Variants in SPTBN4 observed in about 807,000 individuals in gnomAD.
SPTBN4 encodes the protein spectrin beta chain, non-erythrocytic 4.
SPTBN4 carries 96 observed loss-of-function variants against 277.8 expected under a neutral mutation model. The observed-to-expected ratio is 0.35, with a 90% confidence interval of 0.29 to 0.41. SPTBN4 has a LOEUF of 0.41. Ranked by LOEUF, SPTBN4 falls within the 10% of genes least tolerant of loss-of-function variation. The pLI is 1.00. For missense variants in SPTBN4, 3,006 were observed against 3,595.7 expected (o/e 0.84, Z 4.19); for synonymous variants, 1,481 against 1,580.3 (o/e 0.94, Z 1.49).
intron 24 of SPTBN4, chr19:40,555,147 G>GGCTA (rs2080962664): frequency 6.5e-6 from 1 of 153,420 alleles, no homozygotes; most frequent in African/African-American, 2.4e-5. Flanking sequence ...CAGAGATTGG[G>GGCTA]GCTAGAGGTG....
intron 26 of SPTBN4, among the ~76,000 whole-genome samples, chr19:40,559,752 G>A (rs372495906): frequency 9.9e-5 from 15 of 152,206 alleles, no homozygotes; most frequent in Admixed American, 2.0e-4. Context: ...TTGAACAGCC[G>A]TCGTGTAGGA....
chr19:40,468,969 C>T (rs2079854923), intron 1 of SPTBN4, among the ~76,000 whole-genome samples: 1 of 152,100 alleles, frequency 6.6e-6, no homozygotes, highest in Admixed American at 6.6e-5. Flanking sequence ...CATGGTGGAG[C>T]TTGCCTCTAG....
At chr19:40,512,486 C>A in intron 13 of SPTBN4, 120 bp from the exon 14 acceptor site, 3 of 1,294,144 alleles carry the variant, frequency 2.3e-6, no homozygotes, top group Non-Finnish European at 3.0e-6. Flanking sequence ...GGAGGAGGAG[C>A]CACGTGACCC....
At chr19:40,522,861 G>A (rs973215331) in intron 16 of SPTBN4, among the ~76,000 whole-genome samples, 2 of 152,112 alleles carry the variant, frequency 1.3e-5, no homozygotes, top group South Asian at 4.2e-4. Context: ...GCTGGGTGTG[G>A]TGGCTCACGC....
At chr19:40,510,831 G>A (rs1263346897) in intron 13 of SPTBN4, among the ~76,000 whole-genome samples, 1 of 151,974 alleles carries the variant, frequency 6.6e-6, no homozygotes, top group Non-Finnish European at 1.5e-5. Context: ...AGACCAGCCA[G>A]CGAGACTCTA....
chr19:40,513,303 A>G lies in SPTBN4; in HGVS notation c.2514A>G (p.Thr838=). Residue 838 remains threonine (T), a synonymous_variant, in exon 14 of 36, where the codon ACA becomes ACG. Transcript: ENST00000598249. ...PVSGLRRQLA[T]LGGASGAGPL... is the part of the protein sequence containing the mutation. The stretch of plus-strand genomic sequence containing the variant: ...GCGGCCTGCGGCGCCAGCTGGCGAC[A>G]CTCGGGGGTGCCAGTGGCGCAGGGC... 2 of 1,560,166 alleles carry G rather than the reference A, an allele frequency of 1.3e-6. No homozygotes were observed. Among genetic ancestry groups the G allele is most frequent in the South Asian group, 1.2e-5 (1 of 85,468 alleles).
Position 40,467,342 on chromosome 19 carries a change from G to C in SPTBN4, c.-16+37G>C, listed in dbSNP as rs1006124263. ...GGGGGGCCGACAGCCCCTCCCCCAA[G>C]TATGTCCCCACCTGGCGAGCATCCC... On this transcript the variant is annotated intron_variant, in intron 1 of 35. Transcript: ENST00000598249. 9 of 152,298 alleles carry C rather than the reference G, an allele frequency of 5.9e-5. No individual in the cohort carries two copies. The East Asian group carries it at 1.7e-3, about 30-fold the overall frequency. 9.4% of individuals were successfully genotyped at this position (152,298 alleles called of 1,614,324 possible). A position where few individuals can be genotyped will look rare whatever the true frequency, so the allele number is the denominator to read the frequency against.
rs549323388 is a variant in SPTBN4, at chr19:40,541,390, C to T, written c.4359+7047C>T. ...GGCCCTTTTCCCAGCAGAGGGAGCC[C>T]GAGGCAGGAAGTGACTGTGTGGGCC... On this transcript the variant is annotated intron_variant, in intron 20 of 35. Transcript: ENST00000598249. Among the ~76,000 whole-genome samples the T allele has an allele frequency of 2.8e-3, 429 of 152,270 alleles. 2 individuals are homozygous for T. The highest frequency in any genetic ancestry group is 9.6e-3 in the African/African-American group (399 of 41,550).
rs2081034761 is a variant in SPTBN4, at chr19:40,560,751, C to T, written c.5915+348C>T. The T allele has an allele frequency of 3.8e-6, 5 of 1,323,140 alleles. No homozygotes were observed. The highest frequency in any genetic ancestry group is 4.8e-6 in the Non-Finnish European group (5 of 1,034,900). The allele number at this position is 1,323,140 out of a possible 1,614,324, so 82.0% of individuals were successfully genotyped here. A position where few individuals can be genotyped will look rare whatever the true frequency, so the allele number is the denominator to read the frequency against. ...GGTGGGTGAAGAATTCTAACAATTC[C>T]AGCATCTCAGTGGCTTCATTAGTGG... On this transcript the variant is annotated intron_variant, in intron 27 of 35. Coordinates refer to ENST00000598249, the MANE Select transcript of SPTBN4 (RefSeq NM_020971.3). The surrounding 1 kb of genome is among the most constrained non-coding windows in gnomAD (Gnocchi z 5.2).
At chr19:40,567,611 A>AACCC in intron 30 of SPTBN4, 52 bp from the exon 31 acceptor site, 2 of 1,190,516 alleles carry the variant, frequency 1.7e-6, no homozygotes, top group Non-Finnish European at 2.2e-6. Flanking sequence ...CCTCCCCCTT[A>AACCC]CCCCGCCCCG....
intron 1 of SPTBN4, among the ~76,000 whole-genome samples, chr19:40,472,202 C>T (rs2079892905): frequency 1.3e-5 from 2 of 152,020 alleles, no homozygotes; most frequent in Non-Finnish European, 2.9e-5. Context: ...AGCCACCGTG[C>T]CTGGCCAATT....
intron 12 of SPTBN4, among the ~76,000 whole-genome samples, chr19:40,505,374 C>A (rs2080313560): frequency 1.6e-5 from 2 of 122,968 alleles, no homozygotes; most frequent in Admixed American, 1.8e-4. Flanking sequence ...CAGAGTGAGA[C>A]CCTGTCTCAA....
intron 26 of SPTBN4, among the ~76,000 whole-genome samples, chr19:40,557,804 G>C (rs2145937348): frequency 6.6e-6 from 1 of 151,308 alleles, no homozygotes; most frequent in African/African-American, 2.4e-5. Context: ...TGTAATCCCA[G>C]CTACTTGGGA....
intron 20 of SPTBN4, among the ~76,000 whole-genome samples, chr19:40,537,033 G>A (rs911741074): frequency 5.3e-5 from 8 of 151,752 alleles, no homozygotes; most frequent in South Asian, 4.2e-4. Context: ...AAACTAAAAC[G>A]GAGTCTGGCT....
rs1599740776 is a variant in SPTBN4 at position 40,504,517 on chromosome 19, C to A, written c.1665+385C>A. Among the ~76,000 whole-genome samples, 3 of 151,762 alleles carry A rather than the reference C, an allele frequency of 2.0e-5. No individual in the cohort carries two copies. The South Asian group carries it at 6.2e-4, about 32-fold the overall frequency. On this transcript the variant is annotated intron_variant, in intron 12 of 35. Coordinates refer to ENST00000598249, the MANE Select transcript of SPTBN4 (RefSeq NM_020971.3). ...CCCCATCTCTACTAAAAATACAAAA[C>A]AATTAGCCGGGCGTAGTGGCGGGCG...
rs758147374 is a variant in SPTBN4, at chr19:40,512,814, G to GGCGGGCGCA, written c.2040_2048dup (p.Ala681_Gly683dup). On this transcript the variant is annotated inframe_insertion, in exon 14 of 36. Transcript: ENST00000598249. The stretch of plus-strand genomic sequence containing the variant: ...TGGAGGCTGCGGGCGGCGGCGGTGC[G>GGCGGGCGCA]GCGGGCGCAGCGGGCGCAGCGGGAA... 5.2e-3 allele frequency: 7,571 copies of GGCGGGCGCA among 1,451,400 alleles called. 34 individuals carry two copies. Among genetic ancestry groups the GGCGGGCGCA allele is most frequent in the Admixed American group, 7.8e-3 (277 of 35,342 alleles). 89.9% of individuals were successfully genotyped at this position (1,451,400 alleles called of 1,614,324 possible). A position where few individuals can be genotyped will look rare whatever the true frequency, so the allele number is the denominator to read the frequency against.
chr19:40,540,173 C>T (rs891581756), intron 20 of SPTBN4, among the ~76,000 whole-genome samples: 2 of 151,818 alleles, frequency 1.3e-5, no homozygotes, highest in Admixed American at 1.3e-4. Flanking sequence ...GTGATCCGCC[C>T]GCCTCGGCCT....
chr19:40,548,012 C>G (rs1025630108), intron 20 of SPTBN4, among the ~76,000 whole-genome samples: 1 of 152,144 alleles, frequency 6.6e-6, no homozygotes, highest in Non-Finnish European at 1.5e-5. Context: ...AGGAAAGGAT[C>G]CAGCTAAATT....
chr19:40,554,623 G>C lies in SPTBN4; in HGVS notation c.5061G>C (p.Leu1687=). Residue 1687 remains leucine, a synonymous_variant, in exon 24 of 36, where the codon CTG becomes CTC. Coordinates refer to ENST00000598249, the MANE Select transcript of SPTBN4 (RefSeq NM_020971.3). This position sits in a 1 kb window ranked among gnomAD's most constrained non-coding sequence, Gnocchi z 5.7. ...AGCTGTCGCGCCAGTGCCGGGCGCT[G>C]CTGGAGATGGGGCACCCGGACAGGT... is the stretch of plus-strand genomic sequence containing the variant. ...IAQLSRQCRA[L]LEMGHPDSEQ... 6.3e-7 allele frequency: 1 copy of C among 1,583,816 alleles called. No homozygotes were observed. The highest frequency in any genetic ancestry group is 8.6e-7 in the Non-Finnish European group (1 of 1,164,424).
Sources: allele counts gnomAD v4.1 joint callset (sites outside exome capture counted in the v4.1 genomes callset), GRCh38; gene constraint gnomAD v4.1.1; non-coding constraint Gnocchi (gnomAD v3.1); transcripts MANE v1.5; gene names NCBI Gene and HGNC (gene_info 2026-07-23, HGNC 2026-07-21).